GATB: variants seen among roughly 807,000 people sequenced by gnomAD.
GATB encodes the protein glutamyl-tRNA amidotransferase subunit B.
GATB carries 39 observed loss-of-function variants against 62.3 expected under a neutral mutation model. That is an observed-to-expected ratio of 0.63 (90% CI 0.48 to 0.82). GATB has a LOEUF of 0.82. Ranked by LOEUF, GATB falls within the 40% of genes least tolerant of loss-of-function variation. GATB has a pLI of 0.00. For missense variants in GATB, 670 were observed against 684.0 expected (o/e 0.98, Z 0.23); for synonymous variants, 276 against 258.9 (o/e 1.07, Z -0.63).
At chr4:151,684,552 GC>G (rs1738206033) in intron 10 of GATB, among the ~76,000 whole-genome samples, 1 of 152,190 alleles carries the variant, frequency 6.6e-6, no homozygotes, top group South Asian at 2.1e-4. Flanking sequence ...TGCAGCTACT[GC>G]CCTTCTAAGC....
chr4:151,727,635 C>A (rs1044191257), intron 2 of GATB, among the ~76,000 whole-genome samples: 13 of 152,142 alleles, frequency 8.5e-5, no homozygotes, highest in African/African-American at 3.1e-4. Flanking sequence ...TGAACTAGGG[C>A]AAAATTTAGT....
At chr4:151,680,436 C>T (rs1047083450) in intron 10 of GATB, among the ~76,000 whole-genome samples, 3 of 152,184 alleles carry the variant, frequency 2.0e-5, no homozygotes, top group African/African-American at 7.2e-5. Flanking sequence ...CTCTCTTCTC[C>T]AGGCTCACAC....
intron 11 of GATB, chr4:151,674,407 C>G (rs575543455): frequency 1.3e-5 from 2 of 152,192 alleles, no homozygotes; most frequent in East Asian, 3.9e-4. Flanking sequence ...TTCTCTGACA[C>G]GTTTATTTTT....
At chr4:151,704,389 C>T (rs973544931) in intron 7 of GATB, among the ~76,000 whole-genome samples, 1 of 152,004 alleles carries the variant, frequency 6.6e-6, no homozygotes, top group East Asian at 1.9e-4. Flanking sequence ...TGGGCACAGT[C>T]TGGGTCACTT....
intron 2 of GATB, among the ~76,000 whole-genome samples, chr4:151,733,882 T>C (rs1173099431): frequency 2.0e-5 from 3 of 152,168 alleles, no homozygotes; most frequent in Non-Finnish European, 4.4e-5. Flanking sequence ...AGAAAGGGCA[T>C]TCGACAAAAT....
intron 2 of GATB, among the ~76,000 whole-genome samples, chr4:151,732,377 A>G (rs1214699158): frequency 6.6e-6 from 1 of 152,202 alleles, no homozygotes; most frequent in Non-Finnish European, 1.5e-5. Context: ...CTGTACTGGG[A>G]GAGGTTCTTC....
At chr4:151,716,295 TTTA>T in intron 4 of GATB, 164 bp from the exon 5 acceptor site, 12 of 743,164 alleles carry the variant, frequency 1.6e-5, no homozygotes, top group East Asian at 3.1e-5. Context: ...TTTTTTTTTT[TTTA>T]AAGAGGCGTC....
rs1197802904 is a variant in GATB, at chr4:151,760,968, C to A, written c.15G>T (p.Met5Ile). MAAP[M>I]LRWGCRGRRW... Reference sequence around the variant, plus strand: ...GTCTTCCACGGCAGCCCCAGCGCAGCATGGGCGCCGCCATTGTAACTCCAG... The same window carrying A: ...GTCTTCCACGGCAGCCCCAGCGCAGAATGGGCGCCGCCATTGTAACTCCAG... The change falls in exon 1 of 13, where the codon ATG becomes ATT. Residue 5 changes from methionine to isoleucine, a missense_variant. Met to Ile is a conservative substitution (Grantham distance 10). Transcript: ENST00000263985. 2 of 1,610,978 alleles carry A rather than the reference C, an allele frequency of 1.2e-6. No homozygotes were observed. The highest frequency in any genetic ancestry group is 1.7e-6 in the Non-Finnish European group (2 of 1,179,066).
intron 2 of GATB, among the ~76,000 whole-genome samples, chr4:151,741,178 T>C (rs1378653387): frequency 1.3e-5 from 2 of 152,156 alleles, no homozygotes; most frequent in African/African-American, 4.8e-5. Flanking sequence ...TTATAAATTA[T>C]GCACAGCAAG....
chr4:151,727,697 C>A (rs1021643317), intron 2 of GATB, among the ~76,000 whole-genome samples: 3 of 152,192 alleles, frequency 2.0e-5, no homozygotes, highest in African/African-American at 7.2e-5. Context: ...TGTTATCTTG[C>A]ACAAATTACC....
chr4:151,703,771 A>C, intron 8 of GATB, 80 bp downstream of exon 8: 2 of 991,260 alleles, frequency 2.0e-6, no homozygotes, highest in Non-Finnish European at 3.3e-6. Flanking sequence ...GTTCAGGATC[A>C]TTATGTTGAA....
At chr4:151,748,133 T>C (rs933847533) in intron 2 of GATB, among the ~76,000 whole-genome samples, 2 of 152,222 alleles carry the variant, frequency 1.3e-5, no homozygotes, top group African/African-American at 4.8e-5. Context: ...AAGCTACTAA[T>C]GACTTTCTTC....
In GATB at chr4:151,719,538, C is replaced by T; in HGVS notation, c.328G>A (p.Val110Ile). 1 of 1,594,480 alleles carries T rather than the reference C, an allele frequency of 6.3e-7. No individual in the cohort carries two copies. The highest frequency in any genetic ancestry group is 8.6e-7 in the Non-Finnish European group (1 of 1,169,198). ...FDASLPGTLP[V>I]LNRRCVEAAV... ...GCTTCTACACACCTCCTGTTGAGAA[C>T]CTATGGGAACACAACACACAGTTCC... The change falls in exon 3 of 13, where the codon GTT becomes ATT. Residue 110 changes from valine to isoleucine, a missense_variant and splice_region_variant. Coordinates refer to ENST00000263985, the MANE Select transcript of GATB (RefSeq NM_004564.3).
At chr4:151,704,300 T>C (rs1041897714) in intron 7 of GATB, among the ~76,000 whole-genome samples, 1 of 152,136 alleles carries the variant, frequency 6.6e-6, no homozygotes, top group African/African-American at 2.4e-5. Context: ...AAAGATCTGA[T>C]AGATTAAGGA....
At chr4:151,752,629 T>C (rs1454448550) in intron 2 of GATB, among the ~76,000 whole-genome samples, 1 of 152,174 alleles carries the variant, frequency 6.6e-6, no homozygotes, top group Non-Finnish European at 1.5e-5. Flanking sequence ...AAAAGCAGTA[T>C]TGTGTTCTTG....
At chr4:151,757,888 T>C (rs574747276) in intron 2 of GATB, among the ~76,000 whole-genome samples, 4 of 152,292 alleles carry the variant, frequency 2.6e-5, no homozygotes, top group Non-Finnish European at 5.9e-5. Context: ...CCTCCAAAGA[T>C]GGCAGGAAAC....
At chr4:151,750,802 A>ATT (rs113055258) in intron 2 of GATB, among the ~76,000 whole-genome samples, 1 of 140,476 alleles carries the variant, frequency 7.1e-6, no homozygotes, top group Non-Finnish European at 1.6e-5. Flanking sequence ...TTATTTTTGT[A>ATT]TTTTTTTTTT....
chr4:151,738,381 G>A (rs1284037697), intron 2 of GATB, among the ~76,000 whole-genome samples: 2 of 152,144 alleles, frequency 1.3e-5, no homozygotes, highest in Non-Finnish European at 2.9e-5. Flanking sequence ...GAGATCTGAT[G>A]GTTTTAAAGA....
chr4:151,758,145 T>C (rs1351795209), intron 2 of GATB, among the ~76,000 whole-genome samples: 1 of 152,228 alleles, frequency 6.6e-6, no homozygotes, highest in African/African-American at 2.4e-5. Context: ...ATTGAGTGTT[T>C]CTTAATTTGC....
Sources: gnomAD v4.1 joint callset for allele counts (sites outside exome capture counted in the v4.1 genomes callset) on GRCh38, gnomAD v4.1.1 for gene constraint, MANE v1.5 for transcripts, NCBI Gene and HGNC (gene_info 2026-07-23, HGNC 2026-07-21) for gene names.